Variants in ANPEP observed in about 807,000 individuals in gnomAD.
ANPEP encodes alanyl aminopeptidase, membrane.
A neutral mutation model predicts 114.6 loss-of-function variants in ANPEP; 70 were observed. The ratio of observed to expected loss-of-function variants is 0.61; its 90% CI spans 0.50 to 0.75. The LOEUF (loss-of-function observed/expected upper bound fraction) is 0.75. Among genes scored for constraint, ANPEP ranks in the 30% least tolerant of loss-of-function variants. ANPEP has a pLI of 0.00. For synonymous variants in ANPEP, 548 were observed against 522.3 expected (o/e 1.05, Z -0.67); for missense variants, 1,184 against 1,259.5 (o/e 0.94, Z 0.91).
At chr15:89,810,823 C>A (rs1366677027) in intron 1 of ANPEP, among the ~76,000 whole-genome samples, 1 of 152,256 alleles carries the variant, frequency 6.6e-6, no homozygotes, top group African/African-American at 2.4e-5. Context: ...TCCCCTGTCA[C>A]TTCTGTGCTC....
In ANPEP at chr15:89,790,538, A is replaced by G. The variant is rs773007870; in HGVS notation, c.2673T>C (p.Tyr891=). 27 of 1,613,746 alleles carry G rather than the reference A, an allele frequency of 1.7e-5. No individual in the cohort carries two copies. Among genetic ancestry groups the G allele is most frequent in the Non-Finnish European group, 2.2e-5 (26 of 1,179,734 alleles). ...TGGAGAAGGAGAACGAGCCACCACC[A>G]TAACTGCAGGGAGGGAGAGAGGTGA... ...QSNWKKLFND[Y]GGGSFSFSNL... is the part of the protein sequence containing the mutation. Residue 891 remains tyrosine, a synonymous_variant, in exon 20 of 21, where the codon TAT becomes TAC. Transcript: ENST00000300060.
intron 15 of ANPEP, among the ~76,000 whole-genome samples, chr15:89,794,967 ACCTTCCCATGGAGCTTC>A (rs1968701619): frequency 6.6e-6 from 1 of 151,942 alleles, no homozygotes; most frequent in African/African-American, 2.4e-5. Context: ...AACACACTCC[ACCTTCCCATGGAGCTTC>A]CACTTGCATT....
intron 1 of ANPEP, among the ~76,000 whole-genome samples, chr15:89,807,556 G>C (rs188614963): frequency 2.6e-5 from 4 of 152,162 alleles, no homozygotes; most frequent in Non-Finnish European, 5.9e-5. Flanking sequence ...AAAAAAATTA[G>C]TTGGGCGTGG....
chr15:89,785,477 CGTT>C lies in ANPEP; in HGVS notation c.2773_2775del (p.Asn925del), dbSNP rs764953848. ...GTGCCTGAGCCGAAGCCTGTTTCCT[CGTT>C]GTCCTTCTTGAACTGCTCCAGCTGC... On this transcript the variant is annotated inframe_deletion, in exon 21 of 21. Transcript: ENST00000300060. 1.2e-6 allele frequency: 2 copies of C among 1,614,044 alleles called. No individual in the cohort carries two copies. Among genetic ancestry groups the C allele is most frequent in the Non-Finnish European group, 1.7e-6 (2 of 1,179,898 alleles).
Position 89,792,574 on chromosome 15 carries a change from G to T in ANPEP, c.2250-12C>A, listed in dbSNP as rs1311824493. 4 of 1,611,072 alleles carry T rather than the reference G, an allele frequency of 2.5e-6. No homozygotes were observed. Among genetic ancestry groups the T allele is most frequent in the South Asian group, 1.1e-5 (1 of 91,034 alleles). ...TAACCTCGCTGTACCTGCCCCAGGG[G>T]TGACACGCGGTTAGCACACCTGGCG... On this transcript the variant is annotated splice_polypyrimidine_tract_variant and intron_variant, in intron 16 of 20. Coordinates refer to ENST00000300060, the MANE Select transcript of ANPEP (RefSeq NM_001150.3).
At chr15:89,790,385 T>G (rs8192299) in intron 20 of ANPEP, 75 bp downstream of exon 20, 1 of 1,400,626 alleles carries the variant, frequency 7.1e-7, no homozygotes, top group Non-Finnish European at 1.0e-6. Flanking sequence ...CAGGGCCACG[T>G]GGGAGAAGAA....
chr15:89,789,692 G>A (rs1968578088), intron 20 of ANPEP, among the ~76,000 whole-genome samples: 2 of 148,428 alleles, frequency 1.3e-5, no homozygotes, highest in Non-Finnish European at 3.0e-5. Context: ...AGAATTGATT[G>A]AACCCCAGAG....
chr15:89,793,196 T>C (rs1467831223), intron 15 of ANPEP, 70 bp from the exon 16 acceptor site: 1 of 1,409,018 alleles, frequency 7.1e-7, no homozygotes, highest in South Asian at 1.2e-5. Context: ...ACAGAGCCTC[T>C]GATGTTGGGG....
At position 89,785,276 on chromosome 15, in the gene ANPEP, C is replaced by A. The variant is rs931734016; in HGVS notation, c.*73G>T. The A allele has an allele frequency of 1.3e-6, 2 of 1,587,524 alleles. No individual in the cohort carries two copies. The highest frequency in any genetic ancestry group is 2.7e-5 in the African/African-American group (2 of 74,402). ...GTGCCTCGGGCTCCAGGAATGGAGG[C>A]CCTGCACCAGCCGCTGGGATGGACA... is the stretch of plus-strand genomic sequence containing the variant. On this transcript the variant is annotated 3_prime_UTR_variant, in exon 21 of 21. Coordinates refer to ENST00000300060, the MANE Select transcript of ANPEP (RefSeq NM_001150.3).
intron 15 of ANPEP, 62 bp downstream of exon 15, chr15:89,797,513 A>C: frequency 6.4e-7 from 1 of 1,563,146 alleles, no homozygotes; most frequent in Non-Finnish European, 8.7e-7. Flanking sequence ...TTAACTTCCT[A>C]ATAGTGCACT....
chr15:89,805,035 C>T (rs538353572), intron 4 of ANPEP, 43 bp downstream of exon 4: 38 of 1,612,150 alleles, frequency 2.4e-5, no homozygotes, highest in Admixed American at 6.7e-5. Context: ...CCCCTCAAGC[C>T]GGGGCCAGCC....
At chr15:89,809,276 C>T (rs149736187) in intron 1 of ANPEP, among the ~76,000 whole-genome samples, 303 of 152,336 alleles carry the variant, frequency 2.0e-3, no homozygotes, top group African/African-American at 6.7e-3. Context: ...ATGTCCCTGA[C>T]GGAGCCTGCA....
At chr15:89,805,045 C>A in intron 4 of ANPEP, 33 bp downstream of exon 4, 1 of 1,613,058 alleles carries the variant, frequency 6.2e-7, no homozygotes, top group Non-Finnish European at 8.5e-7. Flanking sequence ...CGGGGCCAGC[C>A]CACGTGAAGG....
At chr15:89,785,618 A>G in intron 20 of ANPEP, 117 bp from the exon 21 acceptor site, 1 of 1,417,340 alleles carries the variant, frequency 7.1e-7, no homozygotes, top group Middle Eastern at 2.0e-4. Flanking sequence ...ATGGGACCAC[A>G]CCCTGTTCCA....
At chr15:89,797,538 C>A (rs375169665) in intron 15 of ANPEP, 37 bp downstream of exon 15, 1 of 1,589,552 alleles carries the variant, frequency 6.3e-7, no homozygotes, top group Non-Finnish European at 8.6e-7. Flanking sequence ...GGCACTGGGG[C>A]GAACTGGTTC....
rs184252270 is a variant in ANPEP, at chr15:89,799,426, C to T, written c.1953G>A (p.Ser651=). 229 of 1,614,140 alleles carry T rather than the reference C, an allele frequency of 1.4e-4. No homozygotes were observed. In the African/African-American group the frequency reaches 2.3e-3, roughly 16 times the overall value. Residue 651 remains serine (S), a splice_region_variant and synonymous_variant, in exon 13 of 21, where the codon TCG becomes TCA. Transcript: ENST00000300060. The surrounding 1 kb of genome is among the most constrained non-coding windows in gnomAD (Gnocchi z 4.2). ...AGGGCGAGGGGTGGCAGACACTCAC[C>T]GAGTGGTCTCTCTGCAGCTGAGTCT... ...KIQTQLQRDH[S]AIPVINRAQI...
At chr15:89,796,433 C>T (rs1376154902) in intron 15 of ANPEP, among the ~76,000 whole-genome samples, 2 of 152,068 alleles carry the variant, frequency 1.3e-5, no homozygotes, top group East Asian at 3.8e-4. Context: ...GTTGAAACTT[C>T]ATTTACCAAA....
chr15:89,807,419 G>A (rs931487281), intron 1 of ANPEP, among the ~76,000 whole-genome samples: 1 of 152,198 alleles, frequency 6.6e-6, no homozygotes, highest in East Asian at 1.9e-4. Flanking sequence ...AATCATTCCC[G>A]GCTGGGCGTG....
At chr15:89,805,643 G>T (rs763970409) in intron 2 of ANPEP, among the ~76,000 whole-genome samples, 180 bp from the exon 3 acceptor site, 1 of 152,196 alleles carries the variant, frequency 6.6e-6, no homozygotes, top group Non-Finnish European at 1.5e-5. Context: ...CAGCTGACTC[G>T]TGGGGGTTGG....
Sources: allele counts gnomAD v4.1 joint callset (sites outside exome capture counted in the v4.1 genomes callset), GRCh38; gene constraint gnomAD v4.1.1; non-coding constraint Gnocchi (gnomAD v3.1); transcripts MANE v1.5; gene names NCBI Gene and HGNC (gene_info 2026-07-23, HGNC 2026-07-21).